OSBP: variants seen among roughly 807,000 people sequenced by gnomAD.
OSBP encodes the protein oxysterol-binding protein 1.
In OSBP, 32 loss-of-function variants were observed where a neutral mutation model predicts 96.6. That is an observed-to-expected ratio of 0.33 (90% CI 0.25 to 0.45). The LOEUF is 0.45. OSBP is among the 20% of genes least tolerant of loss of function. OSBP has a pLI of 1.00. For missense variants in OSBP, 653 were observed against 1,029.7 expected (o/e 0.63, Z 5.01); for synonymous variants, 369 against 389.6 (o/e 0.95, Z 0.62).
intron 7 of OSBP, 98 bp from the exon 8 acceptor site, chr11:59,594,353 A>T (rs1244496731): frequency 1.6e-6 from 2 of 1,216,196 alleles, no homozygotes; most frequent in Admixed American, 3.9e-5. Context: ...CTGGGAAAAG[A>T]GGGCTTTGCT....
intron 1 of OSBP, 74 bp from the exon 2 acceptor site, chr11:59,610,663 A>T: frequency 1.6e-6 from 2 of 1,223,822 alleles, no homozygotes; most frequent in Non-Finnish European, 2.4e-6. Flanking sequence ...ATTTCTTTTC[A>T]TAACTCTGAG....
intron 1 of OSBP, among the ~76,000 whole-genome samples, chr11:59,613,257 A>G (rs1424677493): frequency 1.3e-5 from 2 of 152,216 alleles, no homozygotes; most frequent in Non-Finnish European, 2.9e-5. Context: ...GGCCTATGGC[A>G]TATTTCCCAA....
intron 11 of OSBP, among the ~76,000 whole-genome samples, chr11:59,579,899 A>G (rs909960012): frequency 5.9e-5 from 9 of 152,056 alleles, no homozygotes; most frequent in Non-Finnish European, 7.4e-5. Context: ...TTTAGTAGAG[A>G]CAGGGTTTCA....
intron 1 of OSBP, 68 bp downstream of exon 1, chr11:59,615,235 G>T: frequency 1.5e-6 from 2 of 1,357,864 alleles, no homozygotes; most frequent in Non-Finnish European, 2.1e-6. Flanking sequence ...TGGCGGTAAT[G>T]CCGGAGCTGG....
At position 59,578,268 on chromosome 11, in the gene OSBP, A is replaced by G. The variant is rs903828956; in HGVS notation, c.1941T>C (p.Asp647=). The G allele has an allele frequency of 1.9e-6, 3 of 1,614,006 alleles. No individual in the cohort carries two copies. The highest frequency in any genetic ancestry group is 2.7e-5 in the African/African-American group (2 of 74,880). ...KVHFALLGTW[D]EKMECFKVQP... ...GTACTTTGAAACATTCCATTTTCTCATCCCACGTCCCCAGAAGAGCAAAGT... is the reference window on the plus strand; with the variant it reads ...GTACTTTGAAACATTCCATTTTCTCGTCCCACGTCCCCAGAAGAGCAAAGT... Residue 647 remains aspartate (D), a synonymous_variant, in exon 12 of 14, where the codon GAT becomes GAC. Transcript: ENST00000263847.
chr11:59,588,520 A>G (rs1193816529), intron 9 of OSBP, among the ~76,000 whole-genome samples: 1 of 148,636 alleles, frequency 6.7e-6, no homozygotes, highest in African/African-American at 2.5e-5. Context: ...TAGGTGAGAG[A>G]GTGAGACTCG....
In OSBP at chr11:59,610,496, G is replaced by T; in HGVS notation, c.456C>A (p.Ser152=). 1 of 1,614,188 alleles carries T rather than the reference G, an allele frequency of 6.2e-7. No individual in the cohort carries two copies. Among genetic ancestry groups the T allele is most frequent in the Non-Finnish European group, 8.5e-7 (1 of 1,180,028 alleles). The change falls in exon 2 of 14, where the codon TCC becomes TCA. Residue 152 remains serine, a synonymous_variant. Transcript: ENST00000263847. The part of the protein sequence containing the change: ...TVEDSCNFII[S]NGGAQTYHLK... ...GATGGTAGGTCTGAGCACCCCCATT[G>T]GAAATGATGAAGTTGCAGGAGTCCT...
Position 59,576,619 on chromosome 11 carries a change from A to G in OSBP, c.2382T>C (p.Cys794=). 1.2e-6 allele frequency: 2 copies of G among 1,613,872 alleles called. No homozygotes were observed. The highest frequency in any genetic ancestry group is 1.7e-6 in the Non-Finnish European group (2 of 1,179,956). ...THIYRGEYWE[C]KEKQDWSSCP... ...ATGAGCTCCAGTCCTGTTTTTCTTTACACTCCCAGTATTCTCCCCTATAAA... is the reference window on the plus strand; with the variant it reads ...ATGAGCTCCAGTCCTGTTTTTCTTTGCACTCCCAGTATTCTCCCCTATAAA... The change falls in exon 14 of 14, where the codon TGT becomes TGC. Residue 794 remains cysteine (C), a synonymous_variant. Transcript: ENST00000263847.
chr11:59,600,744 A>AT, intron 6 of OSBP, 75 bp downstream of exon 6: 1 of 1,486,696 alleles, frequency 6.7e-7, no homozygotes, highest in South Asian at 1.2e-5. Context: ...TTAGCACTTC[A>AT]CAAAAAAAAA....
At position 59,576,589 on chromosome 11, in the gene OSBP, C is replaced by T. The variant is rs149231964; in HGVS notation, c.2412G>A (p.Pro804=). 7.4e-6 allele frequency: 12 copies of T among 1,612,998 alleles called. No individual in the cohort carries two copies. Among genetic ancestry groups the T allele is most frequent in the Admixed American group, 3.4e-5 (2 of 59,662 alleles). The change falls in exon 14 of 14, where the codon CCG becomes CCA. Residue 804 remains proline (P), a synonymous_variant. Coordinates refer to ENST00000263847, the MANE Select transcript of OSBP (RefSeq NM_002556.3). ...TGTTACTGCCGTTTCAGAAAATGTC[C>T]GGGCATGAGCTCCAGTCCTGTTTTT... ...CKEKQDWSSC[P]DIF
At position 59,576,811 on chromosome 11, in the gene OSBP, CTG is replaced by C. The variant is rs1322992353; in HGVS notation, c.2273_2274del (p.Thr758ArgfsTer7). 6.2e-7 allele frequency: 1 copy of C among 1,613,976 alleles called. No homozygotes were observed. Among genetic ancestry groups the C allele is most frequent in the Non-Finnish European group, 8.5e-7 (1 of 1,180,020 alleles). On this transcript the variant is annotated frameshift_variant, in exon 13 of 14. Transcript: ENST00000263847. LOFTEE classifies it high-confidence loss of function. ...KKREAEAMKA[T>X]EDGTPYDPYK... The stretch of plus-strand genomic sequence containing the variant: ...TAGAAGGGAAGTTCATTACCATCCT[CTG>C]TGGCTTTCATAGCTTCCGCTTCTCT...
Position 59,610,489 on chromosome 11 carries a change from C to A in OSBP, c.463G>T (p.Gly155Cys), listed in dbSNP as rs1343558185. The A allele has an allele frequency of 6.2e-7, 1 of 1,614,158 alleles. No homozygotes were observed. The highest frequency in any genetic ancestry group is 8.5e-7 in the Non-Finnish European group (1 of 1,180,000). The change falls in exon 2 of 14, where the codon GGT becomes TGT. Residue 155 changes from glycine to cysteine, a missense_variant. Physicochemically the swap from Gly to Cys is radical, Grantham distance 159 (BLOSUM62 -3). Around this residue, in one of 6 missense-constraint regions of OSBP, gnomAD observed 308 missense variants for 573.1 expected, o/e 0.54. Transcript: ENST00000263847. ...DSCNFIISNG[G>C]AQTYHLKASS... ...GCTTTCAGATGGTAGGTCTGAGCACCCCCATTGGAAATGATGAAGTTGCAG... is the reference window on the plus strand; with the variant it reads ...GCTTTCAGATGGTAGGTCTGAGCACACCCATTGGAAATGATGAAGTTGCAG...
chr11:59,598,714 C>T (rs756887368), intron 7 of OSBP, among the ~76,000 whole-genome samples: 13 of 152,266 alleles, frequency 8.5e-5, no homozygotes, highest in African/African-American at 1.4e-4. Context: ...ATCACCCTCC[C>T]GAGTATCTGG....
intron 2 of OSBP, among the ~76,000 whole-genome samples, 174 bp from the exon 3 acceptor site, chr11:59,608,908 A>C (rs1472926871): frequency 6.6e-6 from 1 of 152,176 alleles, no homozygotes; most frequent in Non-Finnish European, 1.5e-5. Context: ...GATCACCTGC[A>C]CCACAAACAC....
intron 7 of OSBP, among the ~76,000 whole-genome samples, chr11:59,600,192 A>G (rs1406769961): frequency 6.6e-6 from 1 of 152,134 alleles, no homozygotes; most frequent in East Asian, 1.9e-4. Flanking sequence ...TAAACTACAC[A>G]CTTCTTGAAA....
At chr11:59,601,421 T>C in intron 4 of OSBP, 36 bp from the exon 5 acceptor site, 2 of 1,452,656 alleles carry the variant, frequency 1.4e-6, no homozygotes, top group Non-Finnish European at 9.7e-7. Context: ...TGACTTTGGT[T>C]ATCTTTACCA....
At chr11:59,586,195 A>G in intron 9 of OSBP, among the ~76,000 whole-genome samples, 1 of 151,952 alleles carries the variant, frequency 6.6e-6, no homozygotes, top group East Asian at 1.9e-4. Flanking sequence ...AAAAAAAGAA[A>G]AAAAAAAGAA....
intron 3 of OSBP, among the ~76,000 whole-genome samples, chr11:59,607,717 T>G (rs775654013): frequency 6.6e-6 from 1 of 152,212 alleles, no homozygotes. Context: ...GTTTAAACCA[T>G]GTATTCACTT....
At chr11:59,614,290 CTCATCAGTAAGA>C (rs1452003523) in intron 1 of OSBP, among the ~76,000 whole-genome samples, 2 of 152,164 alleles carry the variant, frequency 1.3e-5, no homozygotes, top group African/African-American at 4.8e-5. Flanking sequence ...GTCTGTTTTC[CTCATCAGTAAGA>C]TGGGAATATT....
Sources: allele counts gnomAD v4.1 joint callset (sites outside exome capture counted in the v4.1 genomes callset), GRCh38; gene constraint gnomAD v4.1.1; regional missense constraint gnomAD v4.1.1; transcripts MANE v1.5; gene names NCBI Gene and HGNC (gene_info 2026-07-23, HGNC 2026-07-21).